GPM6A: variants seen among roughly 807,000 people sequenced by gnomAD.
GPM6A encodes the protein neuronal membrane glycoprotein M6-a.
A neutral mutation model predicts 32.1 loss-of-function variants in GPM6A; 7 were observed. The observed-to-expected ratio is 0.22, with a 90% CI of 0.12 to 0.41. The LOEUF is 0.41. Among genes scored for constraint, GPM6A ranks in the 10% least tolerant of loss-of-function variants. The pLI is 1.00. For synonymous variants in GPM6A, 130 were observed against 123.4 expected (o/e 1.05, Z -0.35); for missense variants, 235 against 347.2 (o/e 0.68, Z 2.57).
At chr4:175,714,374 TA>T (rs748215477) in intron 1 of GPM6A, among the ~76,000 whole-genome samples, 8 of 152,190 alleles carry the variant, frequency 5.3e-5, no homozygotes, top group Non-Finnish European at 8.8e-5. Flanking sequence ...AAGACTTTTT[TA>T]TTTTTTTGTT....
chr4:175,707,343 G>C (rs924584997), intron 1 of GPM6A, among the ~76,000 whole-genome samples: 1 of 152,130 alleles, frequency 6.6e-6, no homozygotes, highest in African/African-American at 2.4e-5. Context: ...GTTTTGATTT[G>C]TGGAGGAAAT....
intron 1 of GPM6A, among the ~76,000 whole-genome samples, chr4:175,913,933 T>G (rs144757815): frequency 0.012 from 1,812 of 152,258 alleles, 30 homozygotes; most frequent in African/African-American, 0.041. Context: ...ACCATTGACA[T>G]CATCAATTCC....
At chr4:175,791,112 T>C (rs989177443) in intron 1 of GPM6A, among the ~76,000 whole-genome samples, 1 of 152,174 alleles carries the variant, frequency 6.6e-6, no homozygotes, top group African/African-American at 2.4e-5. Context: ...CAATTTATAA[T>C]CATGTTATGC....
At chr4:175,705,451 C>A (rs1251447870) in intron 1 of GPM6A, among the ~76,000 whole-genome samples, 1 of 152,140 alleles carries the variant, frequency 6.6e-6, no homozygotes, top group Non-Finnish European at 1.5e-5. Flanking sequence ...GGGCTAGATC[C>A]TAACTATCCC....
At chr4:175,688,882 T>C (rs1413058520) in intron 2 of GPM6A, among the ~76,000 whole-genome samples, 2 of 152,168 alleles carry the variant, frequency 1.3e-5, no homozygotes, top group Non-Finnish European at 1.5e-5. Flanking sequence ...AGACAGGGTG[T>C]CACTCTGTCA....
At chr4:175,859,222 AGTT>A (rs772850165) in intron 1 of GPM6A, among the ~76,000 whole-genome samples, 14 of 152,204 alleles carry the variant, frequency 9.2e-5, no homozygotes, top group Non-Finnish European at 1.8e-4. Context: ...TAATATGTGT[AGTT>A]GTTGTATGTC....
At chr4:175,708,567 A>T (rs916801697) in intron 1 of GPM6A, among the ~76,000 whole-genome samples, 5 of 151,826 alleles carry the variant, frequency 3.3e-5, no homozygotes, top group Non-Finnish European at 5.9e-5. Context: ...TTGTACTTTT[A>T]GTAGAGATGG....
At chr4:175,719,070 A>G (rs1745983752) in intron 1 of GPM6A, among the ~76,000 whole-genome samples, 1 of 152,292 alleles carries the variant, frequency 6.6e-6, no homozygotes, top group South Asian at 2.1e-4. Context: ...ATAATGATAG[A>G]TTTTTAATGC....
At chr4:175,927,533 C>G (rs1336481564) in intron 1 of GPM6A, among the ~76,000 whole-genome samples, 4 of 152,254 alleles carry the variant, frequency 2.6e-5, no homozygotes, top group African/African-American at 9.6e-5. Context: ...TTATCCCAAA[C>G]TGTACTGGAT....
intron 1 of GPM6A, among the ~76,000 whole-genome samples, chr4:175,940,711 C>A (rs758207206): frequency 2.5e-4 from 38 of 152,024 alleles, no homozygotes; most frequent in Non-Finnish European, 1.0e-4. Context: ...TAGATTCAAG[C>A]GATTCTCCTG....
At chr4:175,824,359 C>T (rs951227055) in intron 1 of GPM6A, among the ~76,000 whole-genome samples, 2 of 152,124 alleles carry the variant, frequency 1.3e-5, no homozygotes, top group African/African-American at 2.4e-5. Context: ...CGGTTTTCAG[C>T]GATGTGCTCA....
At chr4:175,963,859 G>A (rs923839602) in intron 1 of GPM6A, among the ~76,000 whole-genome samples, 1 of 152,096 alleles carries the variant, frequency 6.6e-6, no homozygotes, top group Non-Finnish European at 1.5e-5. Context: ...AGATAAGAGG[G>A]AGGAATTTGG....
At chr4:175,645,482 A>G (rs1208560282) in intron 4 of GPM6A, among the ~76,000 whole-genome samples, 1 of 152,076 alleles carries the variant, frequency 6.6e-6, no homozygotes, top group East Asian at 1.9e-4. Flanking sequence ...GCACTTCGGG[A>G]GGCCAAGGCA....
At chr4:175,943,228 TTTTGTATCCTGAGAC>T (rs1211123331) in intron 1 of GPM6A, among the ~76,000 whole-genome samples, 1 of 152,218 alleles carries the variant, frequency 6.6e-6, no homozygotes, top group African/African-American at 2.4e-5. Context: ...TGTACATTGA[TTTTGTATCCTGAGAC>T]TTTGCTGAAG....
chr4:175,966,806 A>G (rs1391378035), intron 1 of GPM6A, among the ~76,000 whole-genome samples: 1 of 152,196 alleles, frequency 6.6e-6, no homozygotes, highest in Non-Finnish European at 1.5e-5. Context: ...CTATAAAAGA[A>G]ATTAAATCAA....
intron 1 of GPM6A, among the ~76,000 whole-genome samples, chr4:175,748,171 G>A (rs1234992952): frequency 2.6e-5 from 4 of 152,140 alleles, no homozygotes; most frequent in African/African-American, 9.6e-5. Flanking sequence ...CACGAGGGTT[G>A]GAATCAACTT....
intron 1 of GPM6A, among the ~76,000 whole-genome samples, chr4:175,919,166 G>T (rs1460599242): frequency 6.6e-6 from 1 of 152,024 alleles, no homozygotes; most frequent in African/African-American, 2.4e-5. Flanking sequence ...CTTATAAAAA[G>T]AACTCAACCC....
At chr4:175,998,513 G>A (rs1741379805) in intron 1 of GPM6A, among the ~76,000 whole-genome samples, 1 of 152,184 alleles carries the variant, frequency 6.6e-6, no homozygotes, top group South Asian at 2.1e-4. Flanking sequence ...TCCAAAACAT[G>A]CAGAAAGTAA....
intron 1 of GPM6A, among the ~76,000 whole-genome samples, chr4:175,982,189 C>T (rs982141129): frequency 2.4e-4 from 37 of 151,934 alleles, no homozygotes; most frequent in African/African-American, 6.8e-4. Flanking sequence ...CCCCAGTATA[C>T]GGTTTGTCAT....
Sources: gnomAD v4.1 joint callset for allele counts (sites outside exome capture counted in the v4.1 genomes callset) on GRCh38, gnomAD v4.1.1 for gene constraint, MANE v1.5 for transcripts, NCBI Gene and HGNC (gene_info 2026-07-23, HGNC 2026-07-21) for gene names.